Variants in UNC79 observed in about 807,000 individuals in gnomAD.
UNC79 encodes unc-79 subunit of NALCN channel complex, also known as protein unc-79 homolog.
In UNC79, 37 loss-of-function variants were observed where a neutral mutation model predicts 283.1. That is an observed-to-expected ratio of 0.13 (90% CI 0.10 to 0.17). The LOEUF (loss-of-function observed/expected upper bound fraction) is 0.17, where lower values mean the gene tolerates loss of function less well. Ranked by LOEUF, UNC79 falls within the 10% of genes least tolerant of loss-of-function variation. The pLI is 1.00. For missense variants in UNC79, 2,272 were observed against 3,211.1 expected (o/e 0.71, Z 7.07); for synonymous variants, 1,107 against 1,200.2 (o/e 0.92, Z 1.61).
chr14:93,406,616 C>G (rs572758485), intron 1 of UNC79, among the ~76,000 whole-genome samples: 5 of 152,082 alleles, frequency 3.3e-5, no homozygotes, highest in African/African-American at 1.2e-4. Flanking sequence ...ACAAGAAAAT[C>G]TAATAATATA....
At chr14:93,493,197 C>T (rs920860231) in intron 5 of UNC79, among the ~76,000 whole-genome samples, 2 of 151,768 alleles carry the variant, frequency 1.3e-5, no homozygotes, top group East Asian at 1.9e-4. Context: ...CAAGGGGGGG[C>T]GGTTCAGGAA....
chr14:93,544,762 T>G (rs778920973), intron 14 of UNC79, among the ~76,000 whole-genome samples: 1 of 152,180 alleles, frequency 6.6e-6, no homozygotes, highest in Non-Finnish European at 1.5e-5. Flanking sequence ...ATTATAAATC[T>G]AGGTTTTGAG....
At chr14:93,375,285 G>C (rs1803999069) in intron 1 of UNC79, among the ~76,000 whole-genome samples, 1 of 152,180 alleles carries the variant, frequency 6.6e-6, no homozygotes, top group Non-Finnish European at 1.5e-5. Context: ...AGGAGGCTGA[G>C]GTAGGAGGAT....
At chr14:93,412,506 T>C (rs2055355799) in intron 1 of UNC79, among the ~76,000 whole-genome samples, 2 of 151,750 alleles carry the variant, frequency 1.3e-5, no homozygotes, top group South Asian at 4.2e-4. Context: ...CTACCAAAGG[T>C]CAAGGATAAA....
chr14:93,466,629 C>T (rs771347695), intron 1 of UNC79, among the ~76,000 whole-genome samples: 3 of 152,146 alleles, frequency 2.0e-5, no homozygotes, highest in Non-Finnish European at 2.9e-5. Context: ...AGCTTATTTC[C>T]GTGGGTTATT....
intron 7 of UNC79, among the ~76,000 whole-genome samples, chr14:93,507,682 A>C (rs2059614117): frequency 6.6e-6 from 1 of 152,098 alleles, no homozygotes; most frequent in Non-Finnish European, 1.5e-5. Flanking sequence ...TTTTCTTAAC[A>C]GTGTCTATTT....
intron 1 of UNC79, among the ~76,000 whole-genome samples, chr14:93,336,975 A>G (rs149871924): frequency 2.4e-4 from 37 of 152,278 alleles, no homozygotes; most frequent in Non-Finnish European, 5.0e-4. Context: ...TGGGAGGCAG[A>G]CAGGTTCCTA....
intron 1 of UNC79, among the ~76,000 whole-genome samples, chr14:93,339,401 G>A (rs1445900507): frequency 4.6e-5 from 7 of 152,088 alleles, no homozygotes; most frequent in Admixed American, 1.3e-4. Flanking sequence ...CCGGGTTCAC[G>A]CCATTCTCCT....
At chr14:93,572,473 T>C (rs1386565092) in intron 15 of UNC79, among the ~76,000 whole-genome samples, 1 of 151,644 alleles carries the variant, frequency 6.6e-6, no homozygotes, top group Non-Finnish European at 1.5e-5. Context: ...GGAAGAACAG[T>C]AATGTTATTA....
chr14:93,433,011 C>G (rs568174602), intron 1 of UNC79, among the ~76,000 whole-genome samples: 3 of 152,104 alleles, frequency 2.0e-5, no homozygotes, highest in African/African-American at 7.2e-5. Flanking sequence ...ACTTAAGTAG[C>G]TATTTTAGAC....
intron 28 of UNC79, 111 bp from the exon 30 acceptor site, chr14:93,618,081 A>G: frequency 3.5e-6 from 4 of 1,143,632 alleles, no homozygotes; most frequent in South Asian, 1.6e-5. Flanking sequence ...TCTCTCTCAT[A>G]TATATATTTA....
At chr14:93,616,065 T>A (rs1204018796) in intron 27 of UNC79, among the ~76,000 whole-genome samples, 1 of 152,092 alleles carries the variant, frequency 6.6e-6, no homozygotes, top group Non-Finnish European at 1.5e-5. Flanking sequence ...TGGTGATTTC[T>A]GAGATTTTGG....
chr14:93,490,885 G>A (rs886524223), intron 5 of UNC79, among the ~76,000 whole-genome samples: 1 of 152,068 alleles, frequency 6.6e-6, no homozygotes, highest in Non-Finnish European at 1.5e-5. Flanking sequence ...CACATTTTTA[G>A]CTGTTTGTTA....
rs2065164322 is a variant in UNC79, at chr14:93,597,593, TA to T, written c.3372+56del. 2.6e-6 allele frequency: 4 copies of T among 1,552,086 alleles called. No individual in the cohort carries two copies. In the East Asian group the frequency reaches 9.1e-5, roughly 35 times the overall value. ...CGAAGGTGGTTTGTGTCAGCACTACTAAATCATTGCGTTGTTTGTCACGTCC... is the reference window on the plus strand; with the variant it reads ...CGAAGGTGGTTTGTGTCAGCACTACTAATCATTGCGTTGTTTGTCACGTCC... On this transcript the variant is annotated intron_variant, in intron 24 of 48. Coordinates refer to ENST00000555664, the Ensembl canonical transcript of UNC79.
At chr14:93,457,642 A>G (rs892063792) in intron 1 of UNC79, among the ~76,000 whole-genome samples, 3 of 152,238 alleles carry the variant, frequency 2.0e-5, no homozygotes, top group Non-Finnish European at 4.4e-5. Flanking sequence ...GCTGGGCTCG[A>G]TATGCTAAGT....
intron 40 of UNC79, among the ~76,000 whole-genome samples, chr14:93,665,523 A>G (rs915991223): frequency 1.3e-5 from 2 of 152,000 alleles, no homozygotes; most frequent in Non-Finnish European, 2.9e-5. Context: ...CTGATTCAGG[A>G]AGCACAATGA....
intron 22 of UNC79, among the ~76,000 whole-genome samples, chr14:93,591,616 T>C (rs889627492): frequency 2.0e-4 from 31 of 152,206 alleles, no homozygotes; most frequent in African/African-American, 7.2e-4. Flanking sequence ...AATTGTCTGT[T>C]TGAAATGGTG....
At chr14:93,340,389 C>G (rs72708591) in intron 1 of UNC79, among the ~76,000 whole-genome samples, 11,142 of 140,346 alleles carry the variant, frequency 0.079, 533 homozygotes, top group Admixed American at 0.16. Context: ...TTGCAGTGAG[C>G]AGAGATTGCG....
chr14:93,359,402 G>A (rs2054173260), intron 1 of UNC79, among the ~76,000 whole-genome samples: 2 of 152,224 alleles, frequency 1.3e-5, no homozygotes, highest in South Asian at 4.1e-4. Context: ...GAAAAGCCCT[G>A]TAATTGCTCT....
Sources: gnomAD v4.1 joint callset for allele counts (sites outside exome capture counted in the v4.1 genomes callset) on GRCh38, gnomAD v4.1.1 for gene constraint, MANE v1.5 for transcripts, NCBI Gene and HGNC (gene_info 2026-07-23, HGNC 2026-07-21) for gene names.